DYNC2H1: variants seen among roughly 807,000 people sequenced by gnomAD.
DYNC2H1 encodes the protein cytoplasmic dynein 2 heavy chain 1.
DYNC2H1 carries 410 observed loss-of-function variants against 570.0 expected under a neutral mutation model. The observed-to-expected ratio is 0.72, with a 90% CI of 0.66 to 0.78. The LOEUF (loss-of-function observed/expected upper bound fraction) is 0.78, where lower values mean the gene tolerates loss of function less well. Among genes scored for constraint, DYNC2H1 ranks in the 30% least tolerant of loss-of-function variants. DYNC2H1 has a pLI of 0.00. For synonymous variants in DYNC2H1, 1,688 were observed against 1,677.6 expected, an observed-to-expected ratio of 1.01 and a Z score of -0.15; for missense variants, 4,865 against 5,046.4, an observed-to-expected ratio of 0.96 and a Z score of 1.09.
Position 103,261,110 on chromosome 11 carries a change from G to T in DYNC2H1, c.10695+1133G>T, listed in dbSNP as rs993959136. Among the ~76,000 whole-genome samples the T allele has an allele frequency of 2.0e-5, 3 of 152,222 alleles. No homozygotes were observed. The highest frequency in any genetic ancestry group is 7.2e-5 in the African/African-American group (3 of 41,534). Reference sequence around the variant, plus strand: ...ACAGGATAGTAATTTTTGTGATTTTGTTGAGGATCTTTATTTGAGATACAG... The same window carrying T: ...ACAGGATAGTAATTTTTGTGATTTTTTTGAGGATCTTTATTTGAGATACAG... On this transcript the variant is annotated intron_variant, in intron 70 of 88. Coordinates refer to ENST00000375735, the MANE Select transcript of DYNC2H1 (RefSeq NM_001377.3). This position sits in a 1 kb window ranked among gnomAD's most constrained non-coding sequence, Gnocchi z 4.8.
At chr11:103,182,290 C>T (rs908764918) in intron 40 of DYNC2H1, among the ~76,000 whole-genome samples, 1 of 149,818 alleles carries the variant, frequency 6.7e-6, no homozygotes, top group African/African-American at 2.4e-5. Flanking sequence ...ATATACACAC[C>T]TATATATACC....
In DYNC2H1 at chr11:103,456,317, A is replaced by T; in HGVS notation, c.12609A>T (p.Ser4203=). 1.2e-6 allele frequency: 2 copies of T among 1,609,382 alleles called. No homozygotes were observed. The highest frequency in any genetic ancestry group is 1.7e-6 in the Non-Finnish European group (2 of 1,177,592). Residue 4203 remains serine, a synonymous_variant, in exon 87 of 89, where the codon TCA becomes TCT. Transcript: ENST00000375735. ...TGGATAGCCTTAAATTTGTAGCCTC[A>T]TGGAAAGGTCGACTGCAAGAAGCAA... ...RSVDSLKFVA[S]WKGRLQEAKL...
rs1041492869 is a variant in DYNC2H1 at position 103,254,782 on chromosome 11, A to AT, written c.10207-626dup. 1.1e-4 allele frequency among the ~76,000 whole-genome samples: 16 copies of AT among 151,528 alleles called. No homozygotes were observed. The highest frequency in any genetic ancestry group is 3.9e-4 in the African/African-American group (16 of 41,216). ...TCTTTTTATTTGTTTATTTTATTTT[A>AT]TTTTTTTGAGACGGAGTCTGGCACT... On this transcript the variant is annotated intron_variant, in intron 66 of 88. Transcript: ENST00000375735. This position sits in a 1 kb window ranked among gnomAD's most constrained non-coding sequence, Gnocchi z 4.9.
Position 103,243,616 on chromosome 11 carries a change from TTTCTAGA to T in DYNC2H1, c.9820-76_9820-70del, listed in dbSNP as rs1864500785. The T allele has an allele frequency of 9.0e-7, 1 of 1,111,440 alleles. No individual in the cohort carries two copies. The highest frequency in any genetic ancestry group is 1.3e-6 in the Non-Finnish European group (1 of 779,270). 68.8% of individuals were successfully genotyped at this position (1,111,440 alleles called of 1,614,324 possible). ...AGATCATTTAGTAATTGATTTATAA[TTTCTAGA>T]AAACTATTTCCATTTAAATGAAAGC... On this transcript the variant is annotated intron_variant, in intron 63 of 88. Transcript: ENST00000375735. This position sits in a 1 kb window ranked among gnomAD's most constrained non-coding sequence, Gnocchi z 4.8.
At chr11:103,416,763 A>G (rs1329177312) in intron 84 of DYNC2H1, among the ~76,000 whole-genome samples, 1 of 150,718 alleles carries the variant, frequency 6.6e-6, no homozygotes, top group Admixed American at 6.7e-5. Context: ...AAGCAAGGCA[A>G]CAAAAGCCAA....
At chr11:103,142,794 G>A (rs1860023795) in intron 17 of DYNC2H1, among the ~76,000 whole-genome samples, 1 of 152,180 alleles carries the variant, frequency 6.6e-6, no homozygotes, top group Non-Finnish European at 1.5e-5. Flanking sequence ...TTCCGTTTAA[G>A]TATATCATCC....
intron 85 of DYNC2H1, among the ~76,000 whole-genome samples, chr11:103,451,436 G>A (rs577766370): frequency 2.1e-4 from 31 of 144,404 alleles, no homozygotes; most frequent in African/African-American, 7.5e-4. Context: ...AGGTTCAAGC[G>A]ATTCTCCTGC....
intron 84 of DYNC2H1, among the ~76,000 whole-genome samples, chr11:103,410,829 G>A (rs1290860776): frequency 6.6e-6 from 1 of 151,892 alleles, no homozygotes; most frequent in Non-Finnish European, 1.5e-5. Flanking sequence ...GGCCACAGTG[G>A]CTGGCACGAA....
At position 103,158,738 on chromosome 11, in the gene DYNC2H1, A is replaced by G. The variant is rs754246613; in HGVS notation, c.4189A>G (p.Ile1397Val). Reference protein sequence around the residue: ...RVTTLTTHAGIRNSLLTILDQ... With the variant: ...RVTTLTTHAGVRNSLLTILDQ... The stretch of plus-strand genomic sequence containing the variant: ...CACAACATTAACTACTCATGCTGGA[A>G]TAAGAAATTCTCTACTAACAATACT... The change falls in exon 27 of 89, where the codon ATA (isoleucine) becomes GTA (valine). Residue 1397 changes from isoleucine (I) to valine (V), a missense_variant. This residue lies in a region of DYNC2H1 where 1,936 missense variants were observed against 1,962.1 expected (regional missense o/e 0.99). Coordinates refer to ENST00000375735, the MANE Select transcript of DYNC2H1 (RefSeq NM_001377.3). The G allele has an allele frequency of 6.6e-7, 1 of 1,524,776 alleles. No individual in the cohort carries two copies. Among genetic ancestry groups the G allele is most frequent in the Non-Finnish European group, 8.9e-7 (1 of 1,125,956 alleles). The allele number at this position is 1,524,776 out of a possible 1,614,324, so 94.5% of individuals were successfully genotyped here.
intron 82 of DYNC2H1, among the ~76,000 whole-genome samples, chr11:103,341,977 C>CA (rs1369279109): frequency 6.6e-6 from 1 of 151,982 alleles, no homozygotes; most frequent in African/African-American, 2.4e-5. Context: ...CCCTTCTCTA[C>CA]AAAAAATTAA....
chr11:103,438,227 A>G (rs1304502334), intron 85 of DYNC2H1, among the ~76,000 whole-genome samples: 2 of 151,974 alleles, frequency 1.3e-5, no homozygotes, highest in Non-Finnish European at 2.9e-5. Context: ...TAAATTATAA[A>G]TATATATAGA....
intron 82 of DYNC2H1, among the ~76,000 whole-genome samples, chr11:103,350,436 G>T (rs1045924962): frequency 6.6e-6 from 1 of 152,042 alleles, no homozygotes; most frequent in African/African-American, 2.4e-5. Flanking sequence ...AGATCCATAT[G>T]TGCAGTGTTG....
At chr11:103,130,628 GAAAATGTATGCATATTTTAA>G (rs1405081558) in intron 13 of DYNC2H1, among the ~76,000 whole-genome samples, 1 of 95,342 alleles carries the variant, frequency 1.0e-5, no homozygotes, top group Non-Finnish European at 2.1e-5. Flanking sequence ...GCAAATTTTT[GAAAATGTATGCATATTTTAA>G]AAAATGTATG....
intron 83 of DYNC2H1, among the ~76,000 whole-genome samples, chr11:103,380,814 A>G (rs1941611888): frequency 6.6e-6 from 1 of 152,202 alleles, no homozygotes; most frequent in African/African-American, 2.4e-5. Context: ...CACCTGCCTC[A>G]GCCTCCCAAA....
chr11:103,353,263 C>G (rs543695317), intron 82 of DYNC2H1, among the ~76,000 whole-genome samples: 3 of 152,150 alleles, frequency 2.0e-5, no homozygotes, highest in Non-Finnish European at 4.4e-5. Flanking sequence ...ATGTAACAAA[C>G]CTGCATGTTC....
At position 103,439,116 on chromosome 11, in the gene DYNC2H1, A is replaced by G. The variant is rs975531616; in HGVS notation, c.12456+3084A>G. Among the ~76,000 whole-genome samples, 23 of 152,162 alleles carry G rather than the reference A, an allele frequency of 1.5e-4. No individual in the cohort carries two copies. Among genetic ancestry groups the G allele is most frequent in the Non-Finnish European group, 2.4e-4 (16 of 68,026 alleles). Reference sequence around the variant, plus strand: ...ACTATCCTTACAACTTATCAGAAAGATAGAACTGAATAAACAACAGTAAGA... The same window carrying G: ...ACTATCCTTACAACTTATCAGAAAGGTAGAACTGAATAAACAACAGTAAGA... On this transcript the variant is annotated intron_variant, in intron 85 of 88. Coordinates refer to ENST00000375735, the MANE Select transcript of DYNC2H1 (RefSeq NM_001377.3). This position sits in a 1 kb window ranked among gnomAD's most constrained non-coding sequence, Gnocchi z 4.1.
chr11:103,433,193 CTA>C (rs549953959), intron 84 of DYNC2H1, among the ~76,000 whole-genome samples: 66 of 152,040 alleles, frequency 4.3e-4, no homozygotes, highest in African/African-American at 1.5e-3. Flanking sequence ...ATATTTAACA[CTA>C]TGAAATATTT....
chr11:103,350,645 G>A (rs937493418), intron 82 of DYNC2H1, among the ~76,000 whole-genome samples: 1 of 152,096 alleles, frequency 6.6e-6, no homozygotes, highest in African/African-American at 2.4e-5. Flanking sequence ...ACAGTTTTGG[G>A]GGCTAGAAGT....
chr11:103,123,206 CTT>C (rs1858811801), intron 11 of DYNC2H1, among the ~76,000 whole-genome samples: 1 of 152,020 alleles, frequency 6.6e-6, no homozygotes, highest in Non-Finnish European at 1.5e-5. Context: ...TCTTGTTTCT[CTT>C]GTCTGTTCCC....
Sources: allele counts gnomAD v4.1 joint callset (sites outside exome capture counted in the v4.1 genomes callset), GRCh38; gene constraint gnomAD v4.1.1; regional missense constraint gnomAD v4.1.1; non-coding constraint Gnocchi (gnomAD v3.1); transcripts MANE v1.5; gene names NCBI Gene and HGNC (gene_info 2026-07-23, HGNC 2026-07-21).